Variants in PDE2A observed in about 807,000 individuals in gnomAD.
PDE2A encodes the protein cGMP-dependent 3',5'-cyclic phosphodiesterase.
Under a neutral mutation model 133.6 loss-of-function variants are expected in PDE2A, and 53 were observed. The observed-to-expected ratio is 0.40, with a 90% CI of 0.32 to 0.50. The LOEUF is 0.50. Ranked by LOEUF, PDE2A falls within the 20% of genes least tolerant of loss-of-function variation. The pLI is 0.73. For synonymous variants in PDE2A, 491 were observed against 490.2 expected, an observed-to-expected ratio of 1.00 and a Z score of -0.02; for missense variants, 796 against 1,232.4, an observed-to-expected ratio of 0.65 and a Z score of 5.30.
chr11:72,601,977 GTTC>G (rs1275288795), intron 4 of PDE2A, among the ~76,000 whole-genome samples: 1 of 152,072 alleles, frequency 6.6e-6, no homozygotes, highest in Non-Finnish European at 1.5e-5. Context: ...CCAGCCCAAG[GTTC>G]TTCCTGTGGA....
chr11:72,580,084 A>G (rs1374910035), intron 25 of PDE2A, among the ~76,000 whole-genome samples: 1 of 152,064 alleles, frequency 6.6e-6, no homozygotes, highest in Admixed American at 6.5e-5. Flanking sequence ...CCTGGGAGAG[A>G]GACAGAGAAC....
chr11:72,601,700 C>A (rs1451007297), intron 4 of PDE2A, among the ~76,000 whole-genome samples: 1 of 152,094 alleles, frequency 6.6e-6, no homozygotes, highest in Non-Finnish European at 1.5e-5. Flanking sequence ...AGAGCTGGGG[C>A]CTGAAACAGT....
chr11:72,577,320 A>G lies in PDE2A; in HGVS notation c.*64T>C. 2 of 1,312,094 alleles carry G rather than the reference A, an allele frequency of 1.5e-6. No individual in the cohort carries two copies. Among genetic ancestry groups the G allele is most frequent in the Non-Finnish European group, 2.2e-6 (2 of 926,438 alleles). 81.3% of individuals were successfully genotyped at this position (1,312,094 alleles called of 1,614,324 possible). On this transcript the variant is annotated 3_prime_UTR_variant, in exon 31 of 31. Transcript: ENST00000334456. ...GGACCCGTGGCTCTGTTCCCAGTGC[A>G]TCTGGCCAGACCAGTGGAGGGCTGT...
At chr11:72,645,185 C>T (rs1372216730) in intron 1 of PDE2A, among the ~76,000 whole-genome samples, 1 of 152,214 alleles carries the variant, frequency 6.6e-6, no homozygotes, top group Admixed American at 6.5e-5. Context: ...TCCAAGCATT[C>T]CTCAGAGGGT....
At chr11:72,625,423 A>G (rs920698826) in intron 2 of PDE2A, among the ~76,000 whole-genome samples, 2 of 152,206 alleles carry the variant, frequency 1.3e-5, no homozygotes, top group Non-Finnish European at 2.9e-5. Context: ...GACCAGCCCA[A>G]TGCTCCACGT....
intron 1 of PDE2A, among the ~76,000 whole-genome samples, chr11:72,667,573 T>G (rs950240460): frequency 6.6e-6 from 1 of 152,190 alleles, no homozygotes; most frequent in African/African-American, 2.4e-5. Flanking sequence ...ACACTTCTAC[T>G]GGCCCTTCAA....
intron 2 of PDE2A, among the ~76,000 whole-genome samples, chr11:72,635,807 A>T (rs464853): frequency 0.82 from 124,931 of 151,966 alleles, 52,385 homozygotes; most frequent in African/African-American, 0.93. Flanking sequence ...CATTCTGATA[A>T]TTCGGGAAAT....
At chr11:72,645,782 C>T (rs370551531) in intron 1 of PDE2A, among the ~76,000 whole-genome samples, 13 of 152,326 alleles carry the variant, frequency 8.5e-5, no homozygotes, top group East Asian at 7.7e-4. Flanking sequence ...GGGAGGCTTT[C>T]GCATTTATTG....
intron 3 of PDE2A, among the ~76,000 whole-genome samples, chr11:72,607,755 C>G (rs1197569353): frequency 6.6e-6 from 1 of 152,106 alleles, no homozygotes; most frequent in African/African-American, 2.4e-5. Context: ...CTGAGTTGGC[C>G]ATATTTCCTG....
chr11:72,651,317 T>C (rs1378319672), intron 1 of PDE2A, among the ~76,000 whole-genome samples: 1 of 151,966 alleles, frequency 6.6e-6, no homozygotes, highest in Non-Finnish European at 1.5e-5. Flanking sequence ...TGGGCTTGAG[T>C]CTCTGTGATG....
chr11:72,625,574 A>AG (rs1858016820), intron 2 of PDE2A, among the ~76,000 whole-genome samples: 1 of 152,164 alleles, frequency 6.6e-6, no homozygotes, highest in Non-Finnish European at 1.5e-5. Flanking sequence ...CAGCCTGAGG[A>AG]GGGGACACCA....
chr11:72,579,236 C>A, intron 27 of PDE2A, 48 bp downstream of exon 27: 1 of 1,411,070 alleles, frequency 7.1e-7, no homozygotes, highest in South Asian at 1.1e-5. Flanking sequence ...AAATCCTTCC[C>A]CTGGTTGTTC....
intron 25 of PDE2A, 105 bp downstream of exon 25, chr11:72,580,472 C>G: frequency 1.1e-6 from 1 of 875,462 alleles, no homozygotes; most frequent in Non-Finnish European, 1.9e-6. Context: ...GCTCTCGCAG[C>G]CTGTCTGGAG....
At chr11:72,594,347 G>A (rs1348499072) in intron 6 of PDE2A, among the ~76,000 whole-genome samples, 2 of 152,200 alleles carry the variant, frequency 1.3e-5, no homozygotes, top group Non-Finnish European at 2.9e-5. Context: ...CTGCCCTCAG[G>A]ATCTGGCAGC....
intron 2 of PDE2A, among the ~76,000 whole-genome samples, chr11:72,633,590 G>T (rs1858528209): frequency 6.6e-6 from 1 of 152,146 alleles, no homozygotes; most frequent in Non-Finnish European, 1.5e-5. Context: ...TTTCAGCTGG[G>T]ATTTATGGAC....
intron 6 of PDE2A, among the ~76,000 whole-genome samples, chr11:72,594,872 G>A (rs1034893478): frequency 6.6e-6 from 1 of 152,176 alleles, no homozygotes; most frequent in Non-Finnish European, 1.5e-5. Flanking sequence ...GCTGGCAACA[G>A]TATTTCATCT....
chr11:72,619,951 A>G (rs1042881939), intron 2 of PDE2A, among the ~76,000 whole-genome samples: 2 of 152,128 alleles, frequency 1.3e-5, no homozygotes, highest in Admixed American at 6.5e-5. Flanking sequence ...GCTGACTCCC[A>G]GCAGGGGGCT....
intron 23 of PDE2A, 62 bp from the exon 24 acceptor site, chr11:72,581,035 C>G (rs1244528049): frequency 1.0e-5 from 12 of 1,158,406 alleles, no homozygotes; most frequent in Middle Eastern, 1.9e-4. Flanking sequence ...CCCTAAATCC[C>G]CAAGAGGACA....
intron 4 of PDE2A, among the ~76,000 whole-genome samples, chr11:72,601,142 C>T (rs1460593689): frequency 1.4e-4 from 16 of 114,094 alleles, no homozygotes; most frequent in African/African-American, 5.3e-4. Context: ...AACCCCCACC[C>T]TCACTGAGCC....
Sources: gnomAD v4.1 joint callset for allele counts (sites outside exome capture counted in the v4.1 genomes callset) on GRCh38, gnomAD v4.1.1 for gene constraint, MANE v1.5 for transcripts, NCBI Gene and HGNC (gene_info 2026-07-23, HGNC 2026-07-21) for gene names.